Variants in RAB18 observed in about 807,000 individuals in gnomAD.
RAB18 encodes the protein RAB18, member RAS oncogene family, also known as ras-related protein Rab-18.
RAB18 carries 10 observed loss-of-function variants against 28.5 expected under a neutral mutation model. The ratio of observed to expected loss-of-function variants is 0.35; its 90% CI spans 0.22 to 0.60. RAB18 has a LOEUF of 0.60. RAB18 is among the 20% of genes least tolerant of loss of function. RAB18 has a pLI of 0.78. For synonymous variants in RAB18, 93 were observed against 86.9 expected, an observed-to-expected ratio of 1.07 and a Z score of -0.39; for missense variants, 188 against 244.2, an observed-to-expected ratio of 0.77 and a Z score of 1.53.
intron 2 of RAB18, among the ~76,000 whole-genome samples, chr10:27,516,041 A>T (rs1263639610): frequency 2.6e-5 from 4 of 151,488 alleles, no homozygotes; most frequent in African/African-American, 9.7e-5. Flanking sequence ...TGTTTTGAGG[A>T]TTGCTTTAAT....
In RAB18 at chr10:27,540,570, A is replaced by T; in HGVS notation, c.*2519A>T. 2.2e-6 allele frequency: 1 copy of T among 454,144 alleles called. No homozygotes were observed. Among genetic ancestry groups the T allele is most frequent in the South Asian group, 1.6e-5 (1 of 64,476 alleles). 28.1% of individuals were successfully genotyped at this position (454,144 alleles called of 1,614,324 possible). A position where few individuals can be genotyped will look rare whatever the true frequency, so the allele number is the denominator to read the frequency against. The stretch of plus-strand genomic sequence containing the variant: ...ACCTACCTCATAAGTCATGTGACAT[A>T]AAAGTTAAGGTAGTGGAGTAGGTGG... On this transcript the variant is annotated 3_prime_UTR_variant, in exon 7 of 7. Transcript: ENST00000356940.
chr10:27,523,419 A>C (rs1834606913), intron 2 of RAB18, among the ~76,000 whole-genome samples: 1 of 151,574 alleles, frequency 6.6e-6, no homozygotes, highest in African/African-American at 2.4e-5. Flanking sequence ...CATTGTTTGC[A>C]TAATAGGCTG....
chr10:27,537,417 A>C (rs1834922608), intron 6 of RAB18, among the ~76,000 whole-genome samples: 1 of 152,160 alleles, frequency 6.6e-6, no homozygotes, highest in African/African-American at 2.4e-5. Flanking sequence ...ACCAGTTTTC[A>C]TGGTGGTTTG....
rs1400307098 is a variant in RAB18 at position 27,541,057 on chromosome 10, A to G, written c.*3006A>G. On this transcript the variant is annotated 3_prime_UTR_variant, in exon 7 of 7. Transcript: ENST00000356940. ...ATTCTTCAGGTATTATAGATCAGAGATCCTCTCCATATTCAAGCATTATGC... is the reference window on the plus strand; with the variant it reads ...ATTCTTCAGGTATTATAGATCAGAGGTCCTCTCCATATTCAAGCATTATGC... 1 of 453,276 alleles carries G rather than the reference A, an allele frequency of 2.2e-6. No homozygotes were observed. Among genetic ancestry groups the G allele is most frequent in the Non-Finnish European group, 4.4e-6 (1 of 226,376 alleles). The allele number at this position is 453,276 out of a possible 1,614,324, so 28.1% of individuals were successfully genotyped here.
At chr10:27,532,672 C>A in intron 4 of RAB18, 93 bp downstream of exon 4, 2 of 903,818 alleles carry the variant, frequency 2.2e-6, no homozygotes, top group African/African-American at 1.7e-5. Context: ...TGTTTTACTT[C>A]TCGTTAGAGC....
At chr10:27,529,615 A>G (rs67444000) in intron 3 of RAB18, among the ~76,000 whole-genome samples, 18,858 of 151,940 alleles carry the variant, frequency 0.12, 1,237 homozygotes, top group Middle Eastern at 0.2. Flanking sequence ...GAGTTTATCT[A>G]TATATCTTTC....
chr10:27,504,584 G>C lies in RAB18; in HGVS notation c.68+147G>C, dbSNP rs898540991. 5.3e-6 allele frequency: 5 copies of C among 943,948 alleles called. No homozygotes were observed. The African/African-American group carries it at 8.2e-5, about 15-fold the overall frequency. 58.5% of individuals were successfully genotyped at this position (943,948 alleles called of 1,614,324 possible). A position where few individuals can be genotyped will look rare whatever the true frequency, so the allele number is the denominator to read the frequency against. The stretch of plus-strand genomic sequence containing the variant: ...GCGCCCTCCTCGGCCTCTGGGCCGC[G>C]CTCTCCCGCGACGTTTGCTTTCCTC... On this transcript the variant is annotated intron_variant, in intron 1 of 6. Transcript: ENST00000356940.
chr10:27,513,908 G>T (rs1834379146), intron 2 of RAB18: 1 of 152,218 alleles, frequency 6.6e-6, no homozygotes, highest in Non-Finnish European at 1.5e-5. Context: ...AGCCAAACAA[G>T]GAGTCACATA....
chr10:27,531,447 C>T (rs1834785939), intron 3 of RAB18: 7 of 1,473,338 alleles, frequency 4.8e-6, no homozygotes, highest in African/African-American at 4.3e-5. Context: ...CTGCTTGTCC[C>T]ATAACAAACC....
At chr10:27,510,012 C>A in intron 2 of RAB18, 82 bp downstream of exon 2, 1 of 1,009,578 alleles carries the variant, frequency 9.9e-7, no homozygotes, top group Non-Finnish European at 1.6e-6. Context: ...CTTCTACCTT[C>A]CTCTCACCAC....
rs1002630655 is a variant in RAB18 at position 27,542,143 on chromosome 10, C to T, written c.*4092C>T. ...CAGGGTGAGAGGGAGTCTATTGGAG[C>T]CCTTGGGAACTTCTGGATCAAATTG... On this transcript the variant is annotated 3_prime_UTR_variant, in exon 7 of 7. Transcript: ENST00000356940. 2.2e-5 allele frequency: 10 copies of T among 454,040 alleles called. No homozygotes were observed. The highest frequency in any genetic ancestry group is 1.8e-4 in the African/African-American group (9 of 50,092). 28.1% of individuals were successfully genotyped at this position (454,040 alleles called of 1,614,324 possible). A position where few individuals can be genotyped will look rare whatever the true frequency, so the allele number is the denominator to read the frequency against.
chr10:27,534,835 A>G (rs1834860480), intron 6 of RAB18, among the ~76,000 whole-genome samples: 1 of 152,236 alleles, frequency 6.6e-6, no homozygotes, highest in Non-Finnish European at 1.5e-5. Context: ...TATATAGATA[A>G]AAACAGAATG....
chr10:27,530,447 CAGAT>C (rs1231778836), intron 3 of RAB18, among the ~76,000 whole-genome samples: 4 of 150,026 alleles, frequency 2.7e-5, no homozygotes, highest in African/African-American at 4.9e-5. Context: ...CTCTCTAAAA[CAGAT>C]AGTCTGTACT....
chr10:27,534,142 C>T lies in RAB18; in HGVS notation c.445+148C>T. ...TGTGTTACAAAATCTAACTATATAA[C>T]AAGGTTCTTTATTCTTCTTCCTGTA... On this transcript the variant is annotated intron_variant, in intron 6 of 6. Transcript: ENST00000356940. 4.1e-6 allele frequency: 3 copies of T among 736,118 alleles called. No homozygotes were observed. In the South Asian group the frequency reaches 4.8e-5, roughly 12 times the overall value. The allele number at this position is 736,118 out of a possible 1,614,324, so 45.6% of individuals were successfully genotyped here. A position where few individuals can be genotyped will look rare whatever the true frequency, so the allele number is the denominator to read the frequency against.
rs1835027842 is a variant in RAB18 at position 27,541,463 on chromosome 10, G to C, written c.*3412G>C. 1 of 453,590 alleles carries C rather than the reference G, an allele frequency of 2.2e-6. No homozygotes were observed. The highest frequency in any genetic ancestry group is 4.4e-6 in the Non-Finnish European group (1 of 226,694). The allele number at this position is 453,590 out of a possible 1,614,324, so 28.1% of individuals were successfully genotyped here. A position where few individuals can be genotyped will look rare whatever the true frequency, so the allele number is the denominator to read the frequency against. ...TGCTAGCTTATTGTTTCATACTTGG[G>C]AATCAGTCATGTTTCTGATTGTGGT... On this transcript the variant is annotated 3_prime_UTR_variant, in exon 7 of 7. Coordinates refer to ENST00000356940, the MANE Select transcript of RAB18 (RefSeq NM_021252.5).
intron 2 of RAB18, among the ~76,000 whole-genome samples, chr10:27,516,923 T>C (rs566521841): frequency 1.4e-4 from 22 of 152,088 alleles, no homozygotes; most frequent in African/African-American, 5.3e-4. Flanking sequence ...CTAAGTTAGG[T>C]AGAATTTAAG....
Position 27,533,999 on chromosome 10 carries a change from G to A in RAB18, c.445+5G>A. 6.3e-7 allele frequency: 1 copy of A among 1,583,968 alleles called. No homozygotes were observed. Among genetic ancestry groups the A allele is most frequent in the Non-Finnish European group, 8.7e-7 (1 of 1,152,800 alleles). ...AGCATTCCATGTTATTTATAGGTAGGTGTGTGAATGAATATCTGTCCTTTC... is the reference window on the plus strand; with the variant it reads ...AGCATTCCATGTTATTTATAGGTAGATGTGTGAATGAATATCTGTCCTTTC... On this transcript the variant is annotated splice_donor_5th_base_variant and intron_variant, in intron 6 of 6. Coordinates refer to ENST00000356940, the MANE Select transcript of RAB18 (RefSeq NM_021252.5).
At chr10:27,515,969 G>C (rs1045014936) in intron 2 of RAB18, among the ~76,000 whole-genome samples, 4 of 151,984 alleles carry the variant, frequency 2.6e-5, no homozygotes, top group Non-Finnish European at 5.9e-5. Flanking sequence ...TGTGATCGTG[G>C]CTCTTCATTT....
At chr10:27,536,299 G>A (rs1834898417) in intron 6 of RAB18, among the ~76,000 whole-genome samples, 1 of 152,188 alleles carries the variant, frequency 6.6e-6, no homozygotes, top group African/African-American at 2.4e-5. Context: ...TGGCATTCAA[G>A]GTCATGTGAT....
Sources: allele counts gnomAD v4.1 joint callset (sites outside exome capture counted in the v4.1 genomes callset), GRCh38; gene constraint gnomAD v4.1.1; transcripts MANE v1.5; gene names NCBI Gene and HGNC (gene_info 2026-07-23, HGNC 2026-07-21).